Variants in SPICE1 observed in about 807,000 individuals in gnomAD.
SPICE1 encodes spindle and centriole-associated protein 1.
Under a neutral mutation model 102.7 loss-of-function variants are expected in SPICE1, and 75 were observed. That is an observed-to-expected ratio of 0.73 (90% CI 0.61 to 0.88). The LOEUF (loss-of-function observed/expected upper bound fraction) is 0.88, where lower values mean the gene tolerates loss of function less well. Among genes scored for constraint, SPICE1 ranks in the 40% least tolerant of loss-of-function variants. The probability of loss-of-function intolerance (pLI) is 0.00; values close to 1 mark genes in which losing one functional copy is unlikely to be tolerated. For missense variants in SPICE1, 979 were observed against 1,020.1 expected (o/e 0.96, Z 0.55); for synonymous variants, 308 against 350.3 (o/e 0.88, Z 1.35).
chr3:113,475,718 T>C (rs1388899049), intron 7 of SPICE1, among the ~76,000 whole-genome samples: 2 of 152,166 alleles, frequency 1.3e-5, no homozygotes, highest in East Asian at 1.9e-4. Flanking sequence ...GAAAAGGCCT[T>C]TGACAAAATT....
Position 113,446,599 on chromosome 3 carries a change from G to A in SPICE1, c.2504C>T (p.Pro835Leu). 1.2e-6 allele frequency: 2 copies of A among 1,612,876 alleles called. No individual in the cohort carries two copies. Among genetic ancestry groups the A allele is most frequent in the Non-Finnish European group, 1.7e-6 (2 of 1,179,232 alleles). The change falls in exon 17 of 18, where the codon CCA (proline) becomes CTA (leucine). Residue 835 changes from proline (P) to leucine (L), a missense_variant. Physicochemically the swap from Pro to Leu is moderately conservative, Grantham distance 98 (BLOSUM62 -3). Coordinates refer to ENST00000295872, the MANE Select transcript of SPICE1 (RefSeq NM_144718.4). ...SGSGRFTPLN[P>L]RAKIEKQNEE... Reference sequence around the variant, plus strand: ...CATTTTAACGTGTACCTTTGCTCTTGGATTAAGAGGTGTGAATCTCCCACT... The same window carrying A: ...CATTTTAACGTGTACCTTTGCTCTTAGATTAAGAGGTGTGAATCTCCCACT...
At chr3:113,501,424 T>C (rs1029263160) in intron 3 of SPICE1, among the ~76,000 whole-genome samples, 1 of 151,992 alleles carries the variant, frequency 6.6e-6, no homozygotes, top group Non-Finnish European at 1.5e-5. Context: ...TTTGACTTCA[T>C]CAAAATTAAA....
intron 7 of SPICE1, among the ~76,000 whole-genome samples, chr3:113,478,896 C>T (rs766835034): frequency 6.6e-6 from 1 of 152,112 alleles, no homozygotes; most frequent in Admixed American, 6.5e-5. Context: ...ACAAATCACA[C>T]TCTGAATGTA....
chr3:113,471,311 T>A (rs759119666), intron 7 of SPICE1, among the ~76,000 whole-genome samples: 38 of 152,076 alleles, frequency 2.5e-4, no homozygotes, highest in Non-Finnish European at 3.4e-4. Context: ...TTAAAAAAAA[T>A]TTTTCATATT....
rs74874124 is a variant in SPICE1, at chr3:113,487,359, T to C, written c.611+1586A>G. On this transcript the variant is annotated intron_variant, in intron 7 of 17. Transcript: ENST00000295872. ...TGGACTTAGAGGTATCACTGTAAAT[T>C]CATGATTTATAGCTAAATAGACAGA... is the stretch of plus-strand genomic sequence containing the variant. Among the ~76,000 whole-genome samples, 48 of 152,242 alleles carry C rather than the reference T, an allele frequency of 3.2e-4. No individual in the cohort carries two copies. In the East Asian group the frequency reaches 7.3e-3, roughly 23 times the overall value.
chr3:113,456,932 T>C (rs1415919443), intron 13 of SPICE1, among the ~76,000 whole-genome samples: 1 of 152,194 alleles, frequency 6.6e-6, no homozygotes, highest in Non-Finnish European at 1.5e-5. Context: ...TTTAATAAAA[T>C]AGATATACAA....
At chr3:113,495,007 GAT>G (rs1384342369) in intron 4 of SPICE1, among the ~76,000 whole-genome samples, 4 of 152,174 alleles carry the variant, frequency 2.6e-5, no homozygotes, top group South Asian at 2.1e-4. Context: ...CATGACATAA[GAT>G]ATGAGTTTTA....
chr3:113,499,657 C>T, intron 3 of SPICE1, 75 bp from the exon 4 acceptor site: 1 of 1,385,624 alleles, frequency 7.2e-7, no homozygotes, highest in Non-Finnish European at 9.6e-7. Flanking sequence ...ATGAGATCAC[C>T]TACTCTAGTT....
At chr3:113,475,006 G>A (rs1021737287) in intron 7 of SPICE1, among the ~76,000 whole-genome samples, 3 of 152,094 alleles carry the variant, frequency 2.0e-5, no homozygotes, top group Non-Finnish European at 4.4e-5. Context: ...CTGGCTTTTT[G>A]AAAGGATCAA....
chr3:113,456,461 A>G (rs1407480923), intron 13 of SPICE1, among the ~76,000 whole-genome samples: 1 of 152,156 alleles, frequency 6.6e-6, no homozygotes, highest in Non-Finnish European at 1.5e-5. Context: ...ATAGCTCCAG[A>G]AAAAATGTAC....
chr3:113,508,412 T>G (rs1559978675), intron 1 of SPICE1, among the ~76,000 whole-genome samples: 1 of 152,026 alleles, frequency 6.6e-6, no homozygotes, highest in South Asian at 2.1e-4. Context: ...ATAAAGAAAT[T>G]TTACAACTCG....
rs949933152 is a variant in SPICE1, at chr3:113,458,494, G to A, written c.1436-1137C>T. Among the ~76,000 whole-genome samples, 20 of 152,316 alleles carry A rather than the reference G, an allele frequency of 1.3e-4. No individual in the cohort carries two copies. The East Asian group carries it at 1.7e-3, about 13-fold the overall frequency. On this transcript the variant is annotated intron_variant, in intron 12 of 17. Transcript: ENST00000295872. Reference sequence around the variant, plus strand: ...CTCCCGAGGTGCCGGGATTGCAGACGGAGTCTCGCTCACTCAGTGCTCAAT... The same window carrying A: ...CTCCCGAGGTGCCGGGATTGCAGACAGAGTCTCGCTCACTCAGTGCTCAAT...
rs1269051738 is a variant in SPICE1 at position 113,514,984 on chromosome 3, T to C, written c.-88A>G. The C allele has an allele frequency of 4.0e-6, 2 of 502,092 alleles. No individual in the cohort carries two copies. The highest frequency in any genetic ancestry group is 8.7e-5 in the Admixed American group (2 of 23,032). The allele number at this position is 502,092 out of a possible 1,614,324, so 31.1% of individuals were successfully genotyped here. On this transcript the variant is annotated 5_prime_UTR_variant, in exon 1 of 18. Transcript: ENST00000295872. The stretch of plus-strand genomic sequence containing the variant: ...GCCTGGATCCCAGGCAACAGACAGA[T>C]GCCACCACCGTTCTCCCCACCCTTT...
chr3:113,446,809 TAA>T, intron 16 of SPICE1, 133 bp from the exon 17 acceptor site: 1 of 709,064 alleles, frequency 1.4e-6, no homozygotes. Context: ...TCCAACGAGG[TAA>T]ATTATTTGTA....
intron 14 of SPICE1, among the ~76,000 whole-genome samples, chr3:113,452,534 A>C (rs1259012538): frequency 2.6e-5 from 4 of 152,108 alleles, no homozygotes; most frequent in Non-Finnish European, 5.9e-5. Flanking sequence ...AAATACAAAA[A>C]TTCACCAGGT....
At chr3:113,503,619 GC>G (rs1937051241) in intron 2 of SPICE1, among the ~76,000 whole-genome samples, 1 of 152,200 alleles carries the variant, frequency 6.6e-6, no homozygotes, top group East Asian at 1.9e-4. Context: ...ACAACGTAAC[GC>G]TAAAGGTTCC....
At chr3:113,451,713 A>G (rs1456745280) in intron 14 of SPICE1, among the ~76,000 whole-genome samples, 3 of 152,224 alleles carry the variant, frequency 2.0e-5, no homozygotes, top group Non-Finnish European at 4.4e-5. Flanking sequence ...CTCAAAATTG[A>G]GGCAGTTGAT....
intron 7 of SPICE1, among the ~76,000 whole-genome samples, chr3:113,487,594 A>G (rs1414080083): frequency 6.6e-6 from 1 of 152,192 alleles, no homozygotes; most frequent in Non-Finnish European, 1.5e-5. Flanking sequence ...GGGAAGAGAA[A>G]GTATAATAAG....
At chr3:113,492,365 C>G (rs927103664) in intron 6 of SPICE1, among the ~76,000 whole-genome samples, 2 of 152,040 alleles carry the variant, frequency 1.3e-5, no homozygotes, top group African/African-American at 4.8e-5. Context: ...TTTCATTAAA[C>G]AGGTACTGAG....
Sources: allele counts gnomAD v4.1 joint callset (sites outside exome capture counted in the v4.1 genomes callset), GRCh38; gene constraint gnomAD v4.1.1; transcripts MANE v1.5; gene names NCBI Gene and HGNC (gene_info 2026-07-23, HGNC 2026-07-21).